Variants in ADGRB1 observed in about 807,000 individuals in gnomAD.
ADGRB1 encodes brain-specific angiogenesis inhibitor 1.
Under a neutral mutation model 175.7 loss-of-function variants are expected in ADGRB1, and 36 were observed. That is an observed-to-expected ratio of 0.20 (90% CI 0.16 to 0.27). ADGRB1 has a LOEUF of 0.27. Ranked by LOEUF, ADGRB1 falls within the 10% of genes least tolerant of loss-of-function variation. ADGRB1 has a pLI of 1.00. For missense variants in ADGRB1, 1,731 were observed against 2,255.3 expected, an observed-to-expected ratio of 0.77 and a Z score of 4.71; for synonymous variants, 1,054 against 979.4, an observed-to-expected ratio of 1.08 and a Z score of -1.42.
At chr8:142,521,745 G>A (rs1439565713) in intron 20 of ADGRB1, among the ~76,000 whole-genome samples, 2 of 152,236 alleles carry the variant, frequency 1.3e-5, no homozygotes, top group Non-Finnish European at 2.9e-5. Context: ...AGAAAGATGG[G>A]GAGGGAGGAT....
In ADGRB1 at chr8:142,479,390, G is replaced by A. The variant is rs977110244; in HGVS notation, c.1629G>A (p.Gln543=). 3 of 1,532,058 alleles carry A rather than the reference G, an allele frequency of 2.0e-6. No homozygotes were observed. The African/African-American group carries it at 4.2e-5, about 22-fold the overall frequency. The allele number at this position is 1,532,058 out of a possible 1,614,324, so 94.9% of individuals were successfully genotyped here. A position where few individuals can be genotyped will look rare whatever the true frequency, so the allele number is the denominator to read the frequency against. Residue 543 remains glutamine, a synonymous_variant, in exon 8 of 31, where the codon CAG becomes CAA. Transcript: ENST00000517894. ...GCGTCACGTGTGGGGCTGGCAGCCAGCGACGGGAGCGTGTCTGCTCTGGGC... is the reference window on the plus strand; with the variant it reads ...GCGTCACGTGTGGGGCTGGCAGCCAACGACGGGAGCGTGTCTGCTCTGGGC... ...SCSVTCGAGS[Q]RRERVCSGPF...
chr8:142,473,128 G>A (rs148535440), intron 2 of ADGRB1, among the ~76,000 whole-genome samples: 6 of 152,344 alleles, frequency 3.9e-5, no homozygotes, highest in African/African-American at 1.2e-4. Flanking sequence ...AAGGCTGCGT[G>A]CTGCAGCAGT....
intron 13 of ADGRB1, among the ~76,000 whole-genome samples, chr8:142,485,848 C>T (rs1334705101): frequency 6.6e-6 from 1 of 152,204 alleles, no homozygotes; most frequent in Non-Finnish European, 1.5e-5. Context: ...ATGAGAGGTT[C>T]TGGAGGCCGG....
At chr8:142,497,509 G>A (rs1842279020) in intron 17 of ADGRB1, among the ~76,000 whole-genome samples, 1 of 152,166 alleles carries the variant, frequency 6.6e-6, no homozygotes, top group Non-Finnish European at 1.5e-5. Flanking sequence ...AGGGGTGCAG[G>A]GGGAGGGGAC....
chr8:142,451,950 C>A (rs987136427), intron 1 of ADGRB1, among the ~76,000 whole-genome samples: 3 of 152,136 alleles, frequency 2.0e-5, no homozygotes, highest in African/African-American at 7.2e-5. Context: ...CTTTGAGTAC[C>A]CAGCAAGGTC....
chr8:142,488,404 C>T lies in ADGRB1; in HGVS notation c.2349C>T (p.Asp783=), dbSNP rs372395018. 1.2e-6 allele frequency: 2 copies of T among 1,613,334 alleles called. No homozygotes were observed. Among genetic ancestry groups the T allele is most frequent in the East Asian group, 4.5e-5 (2 of 44,880 alleles). The stretch of plus-strand genomic sequence containing the variant: ...AGCTCCCAGCCAGCGGAGCCACTGA[C>T]ATCAGCTTCCCCATGAAGGGCTGGC... ...IHKLPASGAT[D]ISFPMKGWRA... is the part of the protein sequence containing the mutation. Residue 783 remains aspartate (D), a synonymous_variant, in exon 14 of 31, where the codon GAC becomes GAT. Coordinates refer to ENST00000517894, the MANE Select transcript of ADGRB1 (RefSeq NM_001702.3).
intron 2 of ADGRB1, among the ~76,000 whole-genome samples, chr8:142,465,228 G>A (rs983737608): frequency 2.6e-5 from 4 of 152,232 alleles, no homozygotes; most frequent in African/African-American, 9.6e-5. Context: ...CGTGCACAGA[G>A]TAAGAGTGAA....
At chr8:142,469,259 ATGTG>A (rs574343130) in intron 2 of ADGRB1, among the ~76,000 whole-genome samples, 11 of 145,126 alleles carry the variant, frequency 7.6e-5, no homozygotes, top group South Asian at 4.4e-4. Flanking sequence ...ATGTGTGTGA[ATGTG>A]TGTGCACGTG....
Position 142,464,859 on chromosome 8 carries a change from G to A in ADGRB1, c.661G>A (p.Gly221Ser). ...TPCACLGGEA[G>S]GPAAGPLAPR... is the part of the protein sequence containing the mutation. ...CTGCGCCTGCCTGGGCGGCGAGGCG[G>A]GCGGCCCTGCCGCGGGACCCCTGGC... The change falls in exon 2 of 31, where the codon GGC becomes AGC. Residue 221 changes from glycine to serine, a missense_variant. Gly to Ser is a moderately conservative substitution (Grantham distance 56). Around this residue, in one of 8 missense-constraint regions of ADGRB1, gnomAD observed 383 missense variants for 383.1 expected, o/e 1.00. Coordinates refer to ENST00000517894, the MANE Select transcript of ADGRB1 (RefSeq NM_001702.3). 2.0e-6 allele frequency: 3 copies of A among 1,521,774 alleles called. No individual in the cohort carries two copies. Among genetic ancestry groups the A allele is most frequent in the Non-Finnish European group, 2.6e-6 (3 of 1,140,414 alleles). The allele number at this position is 1,521,774 out of a possible 1,614,324, so 94.3% of individuals were successfully genotyped here. A position where few individuals can be genotyped will look rare whatever the true frequency, so the allele number is the denominator to read the frequency against.
intron 20 of ADGRB1, among the ~76,000 whole-genome samples, chr8:142,521,514 C>A (rs367812626): frequency 3.9e-5 from 6 of 152,244 alleles, no homozygotes; most frequent in African/African-American, 1.4e-4. Flanking sequence ...AGAGGGCCCG[C>A]AGTGAGACAG....
At position 142,542,152 on chromosome 8, in the gene ADGRB1, A is replaced by G; in HGVS notation, c.3918A>G (p.Ser1306=). 6 of 1,612,678 alleles carry G rather than the reference A, an allele frequency of 3.7e-6. No homozygotes were observed. The highest frequency in any genetic ancestry group is 5.1e-6 in the Non-Finnish European group (6 of 1,179,544). ...CCCTGCCCGACTTCCCCAACCACTC[A>G]CTGACCCTCAAGAGGGACAAGGCGC... ...GGPLPDFPNH[S]LTLKRDKAPK... Residue 1306 remains serine, a synonymous_variant, in exon 28 of 31, where the codon TCA becomes TCG. Coordinates refer to ENST00000517894, the MANE Select transcript of ADGRB1 (RefSeq NM_001702.3). The surrounding 1 kb of genome is among the most constrained non-coding windows in gnomAD (Gnocchi z 6.3).
rs1354177004 is a variant in ADGRB1 at position 142,464,824 on chromosome 8, T to C, written c.626T>C (p.Met209Thr). 1.2e-5 allele frequency: 18 copies of C among 1,532,828 alleles called. No homozygotes were observed. Among genetic ancestry groups the C allele is most frequent in the Non-Finnish European group, 1.7e-6 (2 of 1,144,664 alleles). The allele number at this position is 1,532,828 out of a possible 1,614,324, so 95.0% of individuals were successfully genotyped here. ...GSRSSHPCGI[M>T]QTPCACLGGE... ...CGCAGCTCGCACCCCTGCGGGATCA[T>C]GCAGACCCCCTGCGCCTGCCTGGGC... The change falls in exon 2 of 31, where the codon ATG becomes ACG. Residue 209 changes from methionine (M) to threonine (T), a missense_variant. By Grantham distance (81) the Met-to-Thr change is moderately conservative. Transcript: ENST00000517894.
rs1413593920 is a variant in ADGRB1, at chr8:142,505,892, G to C, written c.2676-5040G>C. On this transcript the variant is annotated intron_variant, in intron 17 of 30. Transcript: ENST00000517894. Reference sequence around the variant, plus strand: ...CAGATAAAGGCTGGTGGGATTAGCTGGTGGGCAGCTGCAGGGAGGTGGGGG... The same window carrying C: ...CAGATAAAGGCTGGTGGGATTAGCTCGTGGGCAGCTGCAGGGAGGTGGGGG... 2.6e-5 allele frequency among the ~76,000 whole-genome samples: 4 copies of C among 152,198 alleles called. No individual in the cohort carries two copies. In the East Asian group the frequency reaches 5.8e-4, roughly 22 times the overall value.
intron 18 of ADGRB1, among the ~76,000 whole-genome samples, chr8:142,512,420 C>T (rs961150739): frequency 7.2e-5 from 11 of 152,198 alleles, no homozygotes; most frequent in Non-Finnish European, 1.5e-4. Flanking sequence ...CCCTTCGAAG[C>T]TGGACCAGGC....
intron 24 of ADGRB1, among the ~76,000 whole-genome samples, chr8:142,528,556 C>G (rs772718055): frequency 2.0e-5 from 3 of 152,048 alleles, no homozygotes; most frequent in Admixed American, 6.5e-5. Flanking sequence ...CAGCCGTCCC[C>G]GCACCCCCTC....
intron 19 of ADGRB1, among the ~76,000 whole-genome samples, chr8:142,520,391 T>C (rs1587401332): frequency 3.7e-5 from 3 of 80,866 alleles, no homozygotes; most frequent in Non-Finnish European, 5.4e-5. Flanking sequence ...GTGATGGTAG[T>C]GATTGTGATG....
At position 142,460,307 on chromosome 8, in the gene ADGRB1, CAG is replaced by C. The variant is rs1252280050; in HGVS notation, c.-219-3672_-219-3671del. ...GGAGGCCCGTGCCCACTGGCAGGCT[CAG>C]GGGCCATCAGCCAAGACAACGGCCT... On this transcript the variant is annotated intron_variant, in intron 1 of 30. Coordinates refer to ENST00000517894, the MANE Select transcript of ADGRB1 (RefSeq NM_001702.3). 3.3e-5 allele frequency among the ~76,000 whole-genome samples: 5 copies of C among 152,202 alleles called. No individual in the cohort carries two copies. In the South Asian group the frequency reaches 1.0e-3, roughly 31 times the overall value.
At position 142,456,799 on chromosome 8, in the gene ADGRB1, C is replaced by T. The variant is rs566690330; in HGVS notation, c.-220+6695C>T. Among the ~76,000 whole-genome samples, 6 of 152,368 alleles carry T rather than the reference C, an allele frequency of 3.9e-5. No homozygotes were observed. The East Asian group carries it at 7.7e-4, about 20-fold the overall frequency. On this transcript the variant is annotated intron_variant, in intron 1 of 30. Transcript: ENST00000517894. ...GGAGGCCTGGGTTGGGGCCTGCTCC[C>T]GGGATACAGCCTCCTCTCAGGGGTC...
chr8:142,479,627 C>A (rs1230119016), intron 8 of ADGRB1, 66 bp from the exon 9 acceptor site: 22 of 1,490,968 alleles, frequency 1.5e-5, no homozygotes, highest in Non-Finnish European at 1.9e-5. Context: ...GCGCCTTGCA[C>A]CTTCCAGAGC....
Sources: gnomAD v4.1 joint callset for allele counts (sites outside exome capture counted in the v4.1 genomes callset) on GRCh38, gnomAD v4.1.1 for gene constraint, gnomAD v4.1.1 regional missense constraint, Gnocchi (gnomAD v3.1) non-coding constraint, MANE v1.5 for transcripts, NCBI Gene and HGNC (gene_info 2026-07-23, HGNC 2026-07-21) for gene names.